Variants in SNX29 observed in about 807,000 individuals in gnomAD.
SNX29 encodes sorting nexin-29.
SNX29 carries 78 observed loss-of-function variants against 102.1 expected under a neutral mutation model. The observed-to-expected ratio is 0.76, with a 90% confidence interval of 0.64 to 0.92. The LOEUF is 0.92. SNX29 is among the 40% of genes least tolerant of loss of function. The pLI is 0.00. For missense variants in SNX29, 1,280 were observed against 1,061.7 expected, an observed-to-expected ratio of 1.21 and a Z score of -2.86; for synonymous variants, 580 against 414.5, an observed-to-expected ratio of 1.40 and a Z score of -4.85.
At chr16:12,428,669 C>G (rs1276830238) in intron 18 of SNX29, among the ~76,000 whole-genome samples, 3 of 152,094 alleles carry the variant, frequency 2.0e-5, no homozygotes, top group African/African-American at 4.8e-5. Flanking sequence ...ATTAATATCT[C>G]CTTCTAGTTA....
chr16:12,569,633 C>A lies in SNX29; in HGVS notation c.*1004C>A, dbSNP rs759633877. The A allele has an allele frequency of 2.9e-5, 5 of 171,412 alleles. No homozygotes were observed. The highest frequency in any genetic ancestry group is 5.5e-5 in the Non-Finnish European group (5 of 90,822). 10.6% of individuals were successfully genotyped at this position (171,412 alleles called of 1,614,324 possible). A position where few individuals can be genotyped will look rare whatever the true frequency, so the allele number is the denominator to read the frequency against. On this transcript the variant is annotated 3_prime_UTR_variant, in exon 21 of 21. Transcript: ENST00000566228. ...CCTTGATAACAGAACTCTGCATCCC[C>A]TAAGACAGAGTCCTCTGTTCCTCCC...
At chr16:12,284,430 T>A (rs546166175) in intron 15 of SNX29, among the ~76,000 whole-genome samples, 15 of 152,346 alleles carry the variant, frequency 9.8e-5, no homozygotes, top group African/African-American at 3.1e-4. Context: ...CTCCCCTCCA[T>A]CCTGACTTTC....
At chr16:12,165,597 G>A (rs1159002025) in intron 13 of SNX29, among the ~76,000 whole-genome samples, 1 of 152,136 alleles carries the variant, frequency 6.6e-6, no homozygotes, top group Non-Finnish European at 1.5e-5. Flanking sequence ...GTCTTGCTCT[G>A]TCACCCAGAC....
At chr16:12,352,174 T>G (rs909087989) in intron 15 of SNX29, among the ~76,000 whole-genome samples, 8 of 152,138 alleles carry the variant, frequency 5.3e-5, no homozygotes, top group Non-Finnish European at 1.5e-5. Context: ...GACCATGGAA[T>G]ACTATGCAGC....
intron 7 of SNX29, 85 bp downstream of exon 7, chr16:12,048,705 A>G (rs2050188121): frequency 6.2e-7 from 1 of 1,609,328 alleles, no homozygotes; most frequent in African/African-American, 1.3e-5. Flanking sequence ...TCTGAAAGTC[A>G]TTCCAAGGGG....
intron 15 of SNX29, among the ~76,000 whole-genome samples, chr16:12,309,382 C>G (rs546208219): frequency 6.6e-6 from 1 of 152,214 alleles, no homozygotes; most frequent in African/African-American, 2.4e-5. Flanking sequence ...TGCATGGTCT[C>G]TGCTCAGTTA....
chr16:12,393,064 G>C (rs1258424805), intron 16 of SNX29, among the ~76,000 whole-genome samples: 1 of 152,206 alleles, frequency 6.6e-6, no homozygotes, highest in African/African-American at 2.4e-5. Context: ...CAGTGAAAAG[G>C]GAGAGCTAAT....
intron 14 of SNX29, among the ~76,000 whole-genome samples, chr16:12,246,091 T>G (rs1289476154): frequency 2.0e-5 from 3 of 152,304 alleles, no homozygotes. Flanking sequence ...CTGTTATTAC[T>G]TCCCACATAA....
At chr16:12,447,347 A>C (rs2086110028) in intron 18 of SNX29, among the ~76,000 whole-genome samples, 1 of 152,258 alleles carries the variant, frequency 6.6e-6, no homozygotes, top group South Asian at 2.1e-4. Context: ...AAAAGTATAC[A>C]TGATGGATTT....
chr16:12,075,893 G>A (rs528760189), intron 10 of SNX29, among the ~76,000 whole-genome samples: 5 of 152,318 alleles, frequency 3.3e-5, no homozygotes, highest in South Asian at 2.1e-4. Flanking sequence ...CACCAGCCTC[G>A]CTGCCGCCTT....
chr16:12,330,336 G>A (rs888388794), intron 15 of SNX29, among the ~76,000 whole-genome samples: 52 of 152,024 alleles, frequency 3.4e-4, no homozygotes, highest in African/African-American at 9.9e-4. Context: ...GCATGGTGGC[G>A]GACGCCTCTA....
At chr16:12,275,163 T>G (rs2079206310) in intron 14 of SNX29, among the ~76,000 whole-genome samples, 2 of 152,202 alleles carry the variant, frequency 1.3e-5, no homozygotes, top group Admixed American at 1.3e-4. Flanking sequence ...CTTGGGGTGA[T>G]CTGGCTGTGC....
chr16:12,219,096 A>G lies in SNX29; in HGVS notation c.1678+19413A>G, dbSNP rs116699474. 4.1e-3 allele frequency among the ~76,000 whole-genome samples: 620 copies of G among 152,260 alleles called. 7 individuals carry two copies. Among genetic ancestry groups the G allele is most frequent in the African/African-American group, 0.014 (587 of 41,538 alleles). On this transcript the variant is annotated intron_variant, in intron 14 of 20. Coordinates refer to ENST00000566228, the MANE Select transcript of SNX29 (RefSeq NM_032167.5). Reference sequence around the variant, plus strand: ...GCCCTGTTTCCAGGTTTTTGCTACTACAAAGAGGATTGTAGTAAGCTGTCT... The same window carrying G: ...GCCCTGTTTCCAGGTTTTTGCTACTGCAAAGAGGATTGTAGTAAGCTGTCT...
At chr16:12,502,799 A>C (rs764270111) in intron 19 of SNX29, among the ~76,000 whole-genome samples, 4 of 152,214 alleles carry the variant, frequency 2.6e-5, no homozygotes, top group Admixed American at 6.5e-5. Context: ...GAAAGCAATC[A>C]CAGGTATTTT....
rs561812535 is a variant in SNX29 at position 12,129,823 on chromosome 16, G to A, written c.1595+65G>A. ...GCTTCATTAAAACCTGAGCATACTG[G>A]GCCGGGCACGGTGGCTCATGCCTGT... is the stretch of plus-strand genomic sequence containing the variant. On this transcript the variant is annotated intron_variant, in intron 13 of 20. Coordinates refer to ENST00000566228, the MANE Select transcript of SNX29 (RefSeq NM_032167.5). 22 of 1,496,886 alleles carry A rather than the reference G, an allele frequency of 1.5e-5. 2 individuals are homozygous for A. The South Asian group carries it at 2.3e-4, about 16-fold the overall frequency. The allele number at this position is 1,496,886 out of a possible 1,614,324, so 92.7% of individuals were successfully genotyped here.
chr16:12,215,923 C>G (rs1327576244), intron 14 of SNX29, among the ~76,000 whole-genome samples: 4 of 152,088 alleles, frequency 2.6e-5, no homozygotes, highest in African/African-American at 9.7e-5. Flanking sequence ...TCCTGCTGGC[C>G]CATCAGGAGT....
chr16:12,227,954 G>A (rs1457302341), intron 14 of SNX29, among the ~76,000 whole-genome samples: 1 of 144,296 alleles, frequency 6.9e-6, no homozygotes, highest in Non-Finnish European at 1.5e-5. Context: ...TGGACCAGCA[G>A]TAGTGGACTC....
chr16:11,981,906 G>A (rs1296083271), intron 1 of SNX29, among the ~76,000 whole-genome samples: 1 of 152,084 alleles, frequency 6.6e-6, no homozygotes, highest in Non-Finnish European at 1.5e-5. Flanking sequence ...TTAATGTTCT[G>A]TAAGAAAAGC....
intron 20 of SNX29, among the ~76,000 whole-genome samples, chr16:12,536,405 A>G (rs1054201620): frequency 6.6e-6 from 1 of 151,980 alleles, no homozygotes; most frequent in African/African-American, 2.4e-5. Context: ...TACAAGCAGA[A>G]TGGCCTCATC....
Sources: allele counts gnomAD v4.1 joint callset (sites outside exome capture counted in the v4.1 genomes callset), GRCh38; gene constraint gnomAD v4.1.1; transcripts MANE v1.5; gene names NCBI Gene and HGNC (gene_info 2026-07-23, HGNC 2026-07-21).